PFKM: variants seen among roughly 807,000 people sequenced by gnomAD.
The protein encoded by PFKM is ATP-dependent 6-phosphofructokinase, muscle type.
A neutral mutation model predicts 95.5 loss-of-function variants in PFKM; 58 were observed. The observed-to-expected ratio is 0.61, with a 90% CI of 0.49 to 0.76. The LOEUF (loss-of-function observed/expected upper bound fraction) is 0.76, where lower values mean the gene tolerates loss of function less well. PFKM is among the 30% of genes least tolerant of loss of function. The pLI, the probability that PFKM is intolerant of heterozygous loss-of-function variation, is 0.00. For synonymous variants in PFKM, 336 were observed against 357.2 expected (o/e 0.94, Z 0.67); for missense variants, 678 against 1,005.4 (o/e 0.67, Z 4.40).
upstream of PFKM, chr12:48,105,469 G>C (rs753987626): frequency 1.9e-6 from 1 of 519,096 alleles, no homozygotes; most frequent in Admixed American, 1.9e-5. Flanking sequence ...GAGCAGGAGG[G>C]TCCAGACGTT....
chr12:48,110,644 T>G (rs1301140766), intron 3 of PFKM, among the ~76,000 whole-genome samples: 1 of 152,162 alleles, frequency 6.6e-6, no homozygotes, highest in African/African-American at 2.4e-5. Context: ...TCACAGGGAC[T>G]CCCTCCAGGG....
chr12:48,121,339 T>A (rs1948240109), intron 1 of PFKM, among the ~76,000 whole-genome samples: 1 of 152,234 alleles, frequency 6.6e-6, no homozygotes, highest in East Asian at 1.9e-4. Context: ...CAGTTGAAGC[T>A]ATATGCAAGG....
At position 48,145,412 on chromosome 12, in the gene PFKM, T is replaced by A; in HGVS notation, c.2198+97T>A. The A allele has an allele frequency of 2.4e-6, 3 of 1,263,258 alleles. No homozygotes were observed. Among genetic ancestry groups the A allele is most frequent in the Non-Finnish European group, 3.4e-6 (3 of 875,302 alleles). The allele number at this position is 1,263,258 out of a possible 1,614,324, so 78.3% of individuals were successfully genotyped here. On this transcript the variant is annotated intron_variant, in intron 22 of 22. Coordinates refer to ENST00000359794, the MANE Select transcript of PFKM (RefSeq NM_000289.6). The surrounding 1 kb of genome is among the most constrained non-coding windows in gnomAD (Gnocchi z 4.3). Reference sequence around the variant, plus strand: ...ACTGTCTTTAATTCTTTTTTTTTTTTAAGGAGTAACACCTGTATTCTTACC... The same window carrying A: ...ACTGTCTTTAATTCTTTTTTTTTTTAAAGGAGTAACACCTGTATTCTTACC...
chr12:48,139,360 G>A lies in PFKM; in HGVS notation c.1127+11G>A, dbSNP rs1460583082. ...GAAGCTGAGAGGCCGGTGAGGAGAT[G>A]ACGGGAAGCTCACTAGCTACAGAAA... On this transcript the variant is annotated intron_variant, in intron 12 of 22. Transcript: ENST00000359794. The A allele has an allele frequency of 3.1e-6, 5 of 1,608,270 alleles. No individual in the cohort carries two copies. Among genetic ancestry groups the A allele is most frequent in the South Asian group, 2.2e-5 (2 of 90,922 alleles).
Position 48,145,152 on chromosome 12 carries a change from G to A in PFKM, c.2092+22G>A, listed in dbSNP as rs1218473386. 6 of 1,609,156 alleles carry A rather than the reference G, an allele frequency of 3.7e-6. No individual in the cohort carries two copies. Among genetic ancestry groups the A allele is most frequent in the Non-Finnish European group, 5.1e-6 (6 of 1,175,556 alleles). On this transcript the variant is annotated intron_variant, in intron 21 of 22. Transcript: ENST00000359794. The surrounding 1 kb of genome is among the most constrained non-coding windows in gnomAD (Gnocchi z 4.3). ...AATGGTAGGTGGGGTGAGAGCGAGTGCCCTCTATAGAGGCTGGTTCCCCAG... is the reference window on the plus strand; with the variant it reads ...AATGGTAGGTGGGGTGAGAGCGAGTACCCTCTATAGAGGCTGGTTCCCCAG...
In PFKM at chr12:48,128,833, G is replaced by A. The variant is rs767096218; in HGVS notation, c.86-1530G>A. ...AGATTTTAGATTAAAACAAAAATATGTACTAGAATGTCTAAGAGAGACTGG... is the reference window on the plus strand; with the variant it reads ...AGATTTTAGATTAAAACAAAAATATATACTAGAATGTCTAAGAGAGACTGG... On this transcript the variant is annotated intron_variant, in intron 2 of 22. Coordinates refer to ENST00000359794, the MANE Select transcript of PFKM (RefSeq NM_000289.6). Among the ~76,000 whole-genome samples, 7 of 152,224 alleles carry A rather than the reference G, an allele frequency of 4.6e-5. No homozygotes were observed. The South Asian group carries it at 1.0e-3, about 23-fold the overall frequency.
chr12:48,136,188 T>G (rs942227553), intron 10 of PFKM, among the ~76,000 whole-genome samples: 6 of 152,150 alleles, frequency 3.9e-5, no homozygotes, highest in Non-Finnish European at 8.8e-5. Flanking sequence ...CGCCTGGCCC[T>G]CCCTCCTCAT....
chr12:48,143,643 ACT>A lies in PFKM; in HGVS notation c.1819-105_1819-104del, dbSNP rs1950772453. 1.9e-5 allele frequency: 16 copies of A among 826,378 alleles called. No individual in the cohort carries two copies. In the Middle Eastern group the frequency reaches 1.1e-3, roughly 57 times the overall value. The allele number at this position is 826,378 out of a possible 1,614,324, so 51.2% of individuals were successfully genotyped here. On this transcript the variant is annotated intron_variant, in intron 18 of 22. Coordinates refer to ENST00000359794, the MANE Select transcript of PFKM (RefSeq NM_000289.6). ...CAGTTCAGGCCCAGGATTGTAAACA[ACT>A]CTCTTCCATGTGTCTCTTCCTTCCT...
Position 48,135,252 on chromosome 12 carries a change from T to G in PFKM, c.844-39T>G, listed in dbSNP as rs765647077. On this transcript the variant is annotated intron_variant, in intron 9 of 22. Transcript: ENST00000359794. ...TCTGCTTGTTTTCTTCCTTTGACTC[T>G]GCGTAACCCTCTCTCTGTCCCTCTG... 6.6e-6 allele frequency: 10 copies of G among 1,525,132 alleles called. 1 individual carries two copies. In the South Asian group the frequency reaches 1.0e-4, roughly 15 times the overall value. The allele number at this position is 1,525,132 out of a possible 1,614,324, so 94.5% of individuals were successfully genotyped here.
intron 9 of PFKM, 121 bp downstream of exon 9, chr12:48,135,159 C>T (rs1949953151): frequency 1.8e-6 from 2 of 1,091,394 alleles, no homozygotes; most frequent in African/African-American, 3.1e-5. Context: ...GGTTCCCTGC[C>T]CCTGATTGCC....
At chr12:48,106,292 T>C in intron 1 of PFKM, 1 of 593,992 alleles carries the variant, frequency 1.7e-6, no homozygotes, top group East Asian at 2.9e-5. Flanking sequence ...GCTTTTTCGC[T>C]TTCTCGTACT....
rs541430998 is a variant in PFKM, at chr12:48,109,690, G to A, written c.205+1496G>A. On this transcript the variant is annotated intron_variant, in intron 3 of 24. Transcript: ENST00000340802. Reference sequence around the variant, plus strand: ...TGTTCAACTTCTGCCTTTAAATCCTGGGGTCTGTGTGGCTCAGTTAAGTGG... The same window carrying A: ...TGTTCAACTTCTGCCTTTAAATCCTAGGGTCTGTGTGGCTCAGTTAAGTGG... Among the ~76,000 whole-genome samples, 6 of 152,208 alleles carry A rather than the reference G, an allele frequency of 3.9e-5. No individual in the cohort carries two copies. The South Asian group carries it at 1.2e-3, about 32-fold the overall frequency.
chr12:48,142,959 C>G lies in PFKM; in HGVS notation c.1818+13C>G. ...TCGAGACCTGCAGGTAGCTGGCCAC[C>G]CAGAGCCTGCTAGATAGCTCTCCCC... On this transcript the variant is annotated intron_variant, in intron 18 of 22. Transcript: ENST00000359794. The G allele has an allele frequency of 6.2e-7, 1 of 1,611,460 alleles. No individual in the cohort carries two copies. The highest frequency in any genetic ancestry group is 8.5e-7 in the Non-Finnish European group (1 of 1,178,718).
chr12:48,134,665 G>T, intron 7 of PFKM, 56 bp from the exon 8 acceptor site: 1 of 1,206,974 alleles, frequency 8.3e-7, no homozygotes, highest in Non-Finnish European at 1.2e-6. Context: ...TTGGGTATGG[G>T]TGAGGCTATT....
chr12:48,106,205 C>A, intron 1 of PFKM: 1 of 671,734 alleles, frequency 1.5e-6, no homozygotes, highest in East Asian at 2.7e-5. Context: ...GGGGCGCCTG[C>A]GCGGTGTGGC....
Position 48,143,828 on chromosome 12 carries a change from G to T in PFKM, c.1880+14G>T. ...CTTGGTGTTAAGGTACCTCATCCAT[G>T]GTTTGTTCCTAAATGAAGAAGAAAA... On this transcript the variant is annotated intron_variant, in intron 19 of 22. Transcript: ENST00000359794. 6.2e-7 allele frequency: 1 copy of T among 1,600,592 alleles called. No homozygotes were observed. Among genetic ancestry groups the T allele is most frequent in the Non-Finnish European group, 8.6e-7 (1 of 1,167,620 alleles).
intron 1 of PFKM, among the ~76,000 whole-genome samples, chr12:48,121,513 G>A (rs934129723): frequency 1.3e-5 from 2 of 152,120 alleles, no homozygotes; most frequent in African/African-American, 4.8e-5. Flanking sequence ...TTATTTGTGT[G>A]GATTTGGGTG....
chr12:48,112,271 TAGTC>T (rs1947259046), intron 3 of PFKM, among the ~76,000 whole-genome samples: 1 of 152,186 alleles, frequency 6.6e-6, no homozygotes. Context: ...TATAATGGTT[TAGTC>T]AGGATGGTAA....
At position 48,133,300 on chromosome 12, in the gene PFKM, G is replaced by A. The variant is rs1227721999; in HGVS notation, c.428-15G>A. 3 of 1,613,278 alleles carry A rather than the reference G, an allele frequency of 1.9e-6. No homozygotes were observed. The highest frequency in any genetic ancestry group is 2.5e-6 in the Non-Finnish European group (3 of 1,179,242). ...TGCCTCACCCAGTGGCTCCTGGTTT[G>A]CTTCTCATTGTCAGGTAAGATCACA... is the stretch of plus-strand genomic sequence containing the variant. On this transcript the variant is annotated splice_polypyrimidine_tract_variant and intron_variant, in intron 5 of 22. Transcript: ENST00000359794.
Sources: allele counts gnomAD v4.1 joint callset (sites outside exome capture counted in the v4.1 genomes callset), GRCh38; gene constraint gnomAD v4.1.1; non-coding constraint Gnocchi (gnomAD v3.1); transcripts MANE v1.5; gene names NCBI Gene and HGNC (gene_info 2026-07-23, HGNC 2026-07-21).